The following MACF1 variants were observed in gnomAD, a reference collection of about 807,000 sequenced individuals.
MACF1 encodes microtubule-actin cross-linking factor 1.
In MACF1, 193 loss-of-function variants were observed where a neutral mutation model predicts 854.8. The ratio of observed to expected loss-of-function variants is 0.23; its 90% CI spans 0.20 to 0.25. The LOEUF is 0.25. Among genes scored for constraint, MACF1 ranks in the 10% least tolerant of loss-of-function variants. The pLI, the probability that MACF1 is intolerant of heterozygous loss-of-function variation, is 1.00. For synonymous variants in MACF1, 3,185 were observed against 3,226.7 expected, an observed-to-expected ratio of 0.99 and a Z score of 0.44; for missense variants, 7,722 against 8,929.1, an observed-to-expected ratio of 0.86 and a Z score of 5.45.
chr1:39,190,332 CTCTTTTCTTG>C (rs1343665059), intron 2 of MACF1, among the ~76,000 whole-genome samples: 1 of 143,812 alleles, frequency 7.0e-6, no homozygotes, highest in African/African-American at 2.6e-5. Flanking sequence ...CTCTTCCTTT[CTCTTTTCTTG>C]TCTTTTCTTT....
intron 18 of MACF1, among the ~76,000 whole-genome samples, chr1:39,294,500 A>G (rs1231730502): frequency 2.6e-5 from 4 of 152,218 alleles, no homozygotes; most frequent in Non-Finnish European, 5.9e-5. Context: ...GGAAGATTGG[A>G]TACTATAATA....
chr1:39,331,280 C>G lies in MACF1; in HGVS notation c.4692C>G (p.Gly1564=). Residue 1564 remains glycine, a synonymous_variant, in exon 37 of 101, where the codon GGC becomes GGG. Coordinates refer to ENST00000564288, the MANE Select transcript of MACF1 (RefSeq NM_001394062.1). ...CCATCTTCAAAGCCATGCAAAAGGG[C>G]CTCCTTGACCAAGACACAGGCCTAG... The part of the protein sequence containing the change: ...IFPIFKAMQK[G]LLDQDTGLVL... 6.2e-7 allele frequency: 1 copy of G among 1,611,600 alleles called. No individual in the cohort carries two copies. The highest frequency in any genetic ancestry group is 8.5e-7 in the Non-Finnish European group (1 of 1,179,722).
At chr1:39,173,903 T>C (rs914434401) in intron 2 of MACF1, among the ~76,000 whole-genome samples, 5 of 152,214 alleles carry the variant, frequency 3.3e-5, no homozygotes, top group African/African-American at 9.6e-5. Flanking sequence ...AAAGCGCTTT[T>C]GATTAAGGCT....
chr1:39,427,380 T>C, intron 61 of MACF1, 75 bp from the exon 62 acceptor site: 1 of 1,254,990 alleles, frequency 8.0e-7, no homozygotes, highest in Non-Finnish European at 1.1e-6. Context: ...GACTATTCTT[T>C]TACTGAGTAT....
intron 23 of MACF1, among the ~76,000 whole-genome samples, chr1:39,307,506 A>G (rs1646206845): frequency 1.3e-5 from 2 of 152,166 alleles, no homozygotes; most frequent in South Asian, 2.1e-4. Context: ...TTTTGCATTC[A>G]TTATGCTAAT....
chr1:39,243,601 C>T (rs1333576886), intron 2 of MACF1, among the ~76,000 whole-genome samples: 1 of 152,174 alleles, frequency 6.6e-6, no homozygotes, highest in Non-Finnish European at 1.5e-5. Context: ...TGGAGTCTCA[C>T]TGTGTTGCCC....
chr1:39,210,596 C>G (rs568289703), intron 1 of MACF1, among the ~76,000 whole-genome samples: 1 of 152,186 alleles, frequency 6.6e-6, no homozygotes, highest in South Asian at 2.1e-4. Context: ...GCTCTAAGCT[C>G]TTGCTCTTCT....
At chr1:39,421,224 A>G (rs1436798541) in intron 58 of MACF1, among the ~76,000 whole-genome samples, 1 of 152,094 alleles carries the variant, frequency 6.6e-6, no homozygotes, top group Non-Finnish European at 1.5e-5. Context: ...TTCCTTTTAG[A>G]CATGTCTAAA....
intron 1 of MACF1, among the ~76,000 whole-genome samples, chr1:39,209,433 G>A (rs1297367155): frequency 6.6e-6 from 1 of 152,142 alleles, no homozygotes; most frequent in African/African-American, 2.4e-5. Context: ...CATTGTGATA[G>A]TGTAAACAGG....
intron 16 of MACF1, among the ~76,000 whole-genome samples, chr1:39,292,305 G>A (rs1265434908): frequency 6.6e-6 from 1 of 152,188 alleles, no homozygotes; most frequent in Non-Finnish European, 1.5e-5. Context: ...AGTAAGTAGT[G>A]GATGCAGCAT....
chr1:39,446,814 C>T (rs1179541991), intron 80 of MACF1, among the ~76,000 whole-genome samples: 1 of 152,018 alleles, frequency 6.6e-6, no homozygotes, highest in Non-Finnish European at 1.5e-5. Flanking sequence ...CTTGTTGTTG[C>T]CATTCTTAGG....
chr1:39,131,983 T>C (rs2148172416), intron 2 of MACF1, among the ~76,000 whole-genome samples: 1 of 152,288 alleles, frequency 6.6e-6, no homozygotes, highest in Admixed American at 6.5e-5. Flanking sequence ...TATTTTGCGG[T>C]TCCTTTACGT....
chr1:39,471,481 C>A (rs1644776101), intron 97 of MACF1, among the ~76,000 whole-genome samples: 1 of 152,156 alleles, frequency 6.6e-6, no homozygotes, highest in Non-Finnish European at 1.5e-5. Context: ...TCATTTCTTA[C>A]CTCCTTTTAC....
At chr1:39,135,355 T>G (rs1035445436) in intron 2 of MACF1, among the ~76,000 whole-genome samples, 1 of 152,170 alleles carries the variant, frequency 6.6e-6, no homozygotes, top group African/African-American at 2.4e-5. Flanking sequence ...CAAGTGATTC[T>G]CCTGCCTCAG....
chr1:39,464,435 TGAG>T (rs1219263559), intron 94 of MACF1: 1 of 153,404 alleles, frequency 6.5e-6, no homozygotes, highest in Non-Finnish European at 1.5e-5. Context: ...TGCAGTCTCC[TGAG>T]GAGTGCTGGG....
At chr1:39,191,807 C>T (rs1320574847) in intron 2 of MACF1, among the ~76,000 whole-genome samples, 1 of 152,184 alleles carries the variant, frequency 6.6e-6, no homozygotes, top group East Asian at 1.9e-4. Flanking sequence ...GAATTCATTA[C>T]AACTCTGAGT....
intron 4 of MACF1, among the ~76,000 whole-genome samples, chr1:39,252,219 A>T (rs1470225756): frequency 6.6e-6 from 1 of 152,212 alleles, no homozygotes; most frequent in Non-Finnish European, 1.5e-5. Context: ...TCTGACCTGG[A>T]GACCCATAGC....
Position 39,443,481 on chromosome 1 carries a change from C to T in MACF1, c.19338C>T (p.Leu6446=). The change falls in exon 79 of 101, where the codon CTC becomes CTT. Residue 6446 remains leucine (L), a synonymous_variant. Coordinates refer to ENST00000564288, the MANE Select transcript of MACF1 (RefSeq NM_001394062.1). ...TCCACAGTGAAATTGAAGATTTCCT[C>T]TTGGAACTTACTAGAATGGAGAGCC... ...QGFHSEIEDF[L]LELTRMESQL... 6.2e-7 allele frequency: 1 copy of T among 1,613,690 alleles called. No individual in the cohort carries two copies. The highest frequency in any genetic ancestry group is 8.5e-7 in the Non-Finnish European group (1 of 1,179,872).
chr1:39,088,870 T>C (rs1641738264), intron 2 of MACF1, among the ~76,000 whole-genome samples: 1 of 152,194 alleles, frequency 6.6e-6, no homozygotes, highest in South Asian at 2.1e-4. Context: ...ACAAGTTTCC[T>C]GCAGATGGCA....
Sources: gnomAD v4.1 joint callset for allele counts (sites outside exome capture counted in the v4.1 genomes callset) on GRCh38, gnomAD v4.1.1 for gene constraint, MANE v1.5 for transcripts, NCBI Gene and HGNC (gene_info 2026-07-23, HGNC 2026-07-21) for gene names.